SETD7: variants seen among roughly 807,000 people sequenced by gnomAD.
The protein encoded by SETD7 is SET domain containing 7, histone lysine methyltransferase, also known as histone-lysine N-methyltransferase SETD7.
SETD7 carries 16 observed loss-of-function variants against 41.8 expected under a neutral mutation model. That is an observed-to-expected ratio of 0.38 (90% CI 0.26 to 0.58). The LOEUF is 0.58. Ranked by LOEUF, SETD7 falls within the 20% of genes least tolerant of loss-of-function variation. SETD7 has a pLI of 0.64. For missense variants in SETD7, 346 were observed against 459.7 expected, an observed-to-expected ratio of 0.75 and a Z score of 2.26; for synonymous variants, 163 against 169.7, an observed-to-expected ratio of 0.96 and a Z score of 0.31.
rs943314483 is a variant in SETD7, at chr4:139,506,686, A to G, written c.*4977T>C. On this transcript the variant is annotated 3_prime_UTR_variant, in exon 8 of 8. Coordinates refer to ENST00000274031, the MANE Select transcript of SETD7 (RefSeq NM_030648.4). ...TAATATGTATCATTTCATTATATCC[A>G]GGACCAAAGTGGAAAAAAAACCCCA... 2.6e-5 allele frequency: 4 copies of G among 152,644 alleles called. No homozygotes were observed. Among genetic ancestry groups the G allele is most frequent in the African/African-American group, 9.6e-5 (4 of 41,454 alleles). The allele number at this position is 152,644 out of a possible 1,614,324, so 9.5% of individuals were successfully genotyped here. A position where few individuals can be genotyped will look rare whatever the true frequency, so the allele number is the denominator to read the frequency against.
chr4:139,549,603 T>C (rs200548494), intron 1 of SETD7, among the ~76,000 whole-genome samples: 6 of 151,444 alleles, frequency 4.0e-5, no homozygotes, highest in East Asian at 2.0e-4. Context: ...CTCTTTCTCT[T>C]CCTCCTTCCT....
intron 6 of SETD7, 143 bp from the exon 7 acceptor site, chr4:139,518,185 G>C (rs1050503571): frequency 2.3e-6 from 2 of 864,058 alleles, no homozygotes; most frequent in African/African-American, 3.5e-5. Flanking sequence ...TGGAGCGCAA[G>C]TAGCGTGATC....
chr4:139,528,054 G>A (rs1175162005), intron 4 of SETD7, among the ~76,000 whole-genome samples: 1 of 151,984 alleles, frequency 6.6e-6, no homozygotes, highest in Admixed American at 6.6e-5. Context: ...AACCAAACCT[G>A]GCTCAGAAAT....
In SETD7 at chr4:139,508,528, A is replaced by G. The variant is rs1329651225; in HGVS notation, c.*3135T>C. 1 of 152,224 alleles carries G rather than the reference A, an allele frequency of 6.6e-6. No individual in the cohort carries two copies. Among genetic ancestry groups the G allele is most frequent in the Non-Finnish European group, 1.5e-5 (1 of 68,040 alleles). 9.4% of individuals were successfully genotyped at this position (152,224 alleles called of 1,614,324 possible). A position where few individuals can be genotyped will look rare whatever the true frequency, so the allele number is the denominator to read the frequency against. On this transcript the variant is annotated 3_prime_UTR_variant, in exon 8 of 8. Transcript: ENST00000274031. ...TAACTCTAACACAAGATAATATTTC[A>G]TCACAGAAAAGATGCTAAGGGAAGA... is the stretch of plus-strand genomic sequence containing the variant.
intron 1 of SETD7, among the ~76,000 whole-genome samples, chr4:139,549,630 G>A (rs747631644): frequency 6.0e-5 from 9 of 151,050 alleles, no homozygotes; most frequent in Admixed American, 2.0e-4. Flanking sequence ...TTTAGAGACA[G>A]GGTCTCACCC....
At chr4:139,553,320 T>C (rs1225069973) in intron 1 of SETD7, among the ~76,000 whole-genome samples, 2 of 152,218 alleles carry the variant, frequency 1.3e-5, no homozygotes, top group East Asian at 1.9e-4. Context: ...AGATAGCTAT[T>C]GCAGAGGACA....
intron 7 of SETD7, 26 bp downstream of exon 7, chr4:139,517,859 C>T: frequency 1.3e-6 from 2 of 1,599,448 alleles, no homozygotes; most frequent in African/African-American, 1.3e-5. Context: ...CATAGATCCG[C>T]CCCAGCAGCT....
chr4:139,524,853 G>T (rs1727281676), intron 4 of SETD7, among the ~76,000 whole-genome samples: 1 of 152,026 alleles, frequency 6.6e-6, no homozygotes, highest in Non-Finnish European at 1.5e-5. Context: ...GTCTTGCTCT[G>T]TCACTCAGGC....
chr4:139,526,072 A>G (rs897939229), intron 4 of SETD7, among the ~76,000 whole-genome samples: 1 of 150,618 alleles, frequency 6.6e-6, no homozygotes, highest in African/African-American at 2.5e-5. Flanking sequence ...GTTTGTTTTG[A>G]GACAGAGTCT....
intron 7 of SETD7, 135 bp downstream of exon 7, chr4:139,517,750 G>A (rs1425388323): frequency 1.1e-6 from 1 of 871,834 alleles, no homozygotes; most frequent in South Asian, 2.1e-5. Context: ...ATAACCCTGA[G>A]GCCGATAGCA....
At chr4:139,523,547 A>G in intron 4 of SETD7, 112 bp from the exon 5 acceptor site, 2 of 641,164 alleles carry the variant, frequency 3.1e-6, no homozygotes, top group Non-Finnish European at 5.5e-6. Context: ...AATCTTAATC[A>G]AGTTATACCA....
chr4:139,535,685 C>T (rs778606744), intron 2 of SETD7, among the ~76,000 whole-genome samples: 3 of 152,134 alleles, frequency 2.0e-5, no homozygotes, highest in Non-Finnish European at 2.9e-5. Flanking sequence ...CCCTCTTAGC[C>T]CAACTGACTC....
chr4:139,543,921 G>A (rs1357301285), intron 2 of SETD7, among the ~76,000 whole-genome samples: 2 of 151,908 alleles, frequency 1.3e-5, no homozygotes, highest in African/African-American at 2.4e-5. Flanking sequence ...CCGAGATCGC[G>A]CCGCTGCACT....
At position 139,510,465 on chromosome 4, in the gene SETD7, AAATGC is replaced by A. The variant is rs2111119800; in HGVS notation, c.*1193_*1197del. The stretch of plus-strand genomic sequence containing the variant: ...TTACACATGGCTGGCAAAATGGCTG[AAATGC>A]TATTGATAGTGTTGCTTTTAAACTA... On this transcript the variant is annotated 3_prime_UTR_variant, in exon 8 of 8. Transcript: ENST00000274031. 6.6e-6 allele frequency: 1 copy of A among 152,328 alleles called. No homozygotes were observed. Among genetic ancestry groups the A allele is most frequent in the African/African-American group, 2.4e-5 (1 of 41,572 alleles). The allele number at this position is 152,328 out of a possible 1,614,324, so 9.4% of individuals were successfully genotyped here.
chr4:139,520,549 T>C (rs1481584417), intron 5 of SETD7, among the ~76,000 whole-genome samples, 155 bp from the exon 6 acceptor site: 1 of 152,202 alleles, frequency 6.6e-6, no homozygotes, highest in Admixed American at 6.5e-5. Context: ...AACCACAATA[T>C]TTTGGCATTG....
At position 139,556,212 on chromosome 4, in the gene SETD7, C is replaced by T. The variant is rs2111185974; in HGVS notation, c.-75G>A. The stretch of plus-strand genomic sequence containing the variant: ...CCTCTGGGTGCTCCCGGCGGCTGAG[C>T]GAGCTCTGGGGCTCGCGAGTTTGGA... On this transcript the variant is annotated 5_prime_UTR_variant, in exon 1 of 8. Coordinates refer to ENST00000274031, the MANE Select transcript of SETD7 (RefSeq NM_030648.4). 3 of 1,499,162 alleles carry T rather than the reference C, an allele frequency of 2.0e-6. No individual in the cohort carries two copies. Among genetic ancestry groups the T allele is most frequent in the Non-Finnish European group, 2.7e-6 (3 of 1,108,510 alleles). The allele number at this position is 1,499,162 out of a possible 1,614,324, so 92.9% of individuals were successfully genotyped here. A position where few individuals can be genotyped will look rare whatever the true frequency, so the allele number is the denominator to read the frequency against.
chr4:139,547,118 T>G, intron 1 of SETD7, 69 bp from the exon 2 acceptor site: 1 of 1,576,730 alleles, frequency 6.3e-7, no homozygotes, highest in Non-Finnish European at 8.6e-7. Context: ...GTCTAAGCAT[T>G]CAGATGCTGC....
chr4:139,546,372 G>A (rs1287464811), intron 2 of SETD7: 1 of 221,306 alleles, frequency 4.5e-6, no homozygotes, highest in African/African-American at 2.4e-5. Flanking sequence ...ATCTCATGAG[G>A]AGAGGCAACA....
chr4:139,536,841 A>G (rs941886182), intron 2 of SETD7, among the ~76,000 whole-genome samples: 13 of 152,196 alleles, frequency 8.5e-5, no homozygotes, highest in African/African-American at 3.1e-4. Context: ...TGTCTCCACT[A>G]AAAATACAAA....
Sources: gnomAD v4.1 joint callset for allele counts (sites outside exome capture counted in the v4.1 genomes callset) on GRCh38, gnomAD v4.1.1 for gene constraint, MANE v1.5 for transcripts, NCBI Gene and HGNC (gene_info 2026-07-23, HGNC 2026-07-21) for gene names.